The following ATP8A2 variants were observed in gnomAD, a reference collection of about 807,000 sequenced individuals.
ATP8A2 encodes the protein ATPase phospholipid transporting 8A2.
In ATP8A2, 100 loss-of-function variants were observed where a neutral mutation model predicts 165.6. The observed-to-expected ratio is 0.60, with a 90% CI of 0.51 to 0.71. ATP8A2 has a LOEUF of 0.71. Ranked by LOEUF, ATP8A2 falls within the 30% of genes least tolerant of loss-of-function variation. ATP8A2 has a pLI of 0.00. For synonymous variants in ATP8A2, 543 were observed against 548.8 expected, an observed-to-expected ratio of 0.99 and a Z score of 0.15; for missense variants, 1,227 against 1,479.5, an observed-to-expected ratio of 0.83 and a Z score of 2.80.
chr13:25,742,077 A>G (rs61619851), intron 25 of ATP8A2, among the ~76,000 whole-genome samples: 4,348 of 152,320 alleles, frequency 0.029, 74 homozygotes, highest in South Asian at 0.048. Context: ...GAGTATACAC[A>G]CACAAACCTA....
intron 27 of ATP8A2, among the ~76,000 whole-genome samples, chr13:25,792,421 TCTGTGTGGG>T (rs2045203117): frequency 6.6e-6 from 1 of 152,196 alleles, no homozygotes; most frequent in Non-Finnish European, 1.5e-5. Flanking sequence ...TCTGTGTGCT[TCTGTGTGGG>T]CTGCTGTGCT....
Position 25,470,001 on chromosome 13 carries a change from A to G in ATP8A2, c.221+880A>G, listed in dbSNP as rs2035799645. On this transcript the variant is annotated intron_variant, in intron 2 of 36. Coordinates refer to ENST00000381655, the MANE Select transcript of ATP8A2 (RefSeq NM_016529.6). ...ACCATGCTTGGGTGTAGAGAAGTTC[A>G]GTGATTTATCAGGTTACACATAGAT... Among the ~76,000 whole-genome samples the G allele has an allele frequency of 4.6e-5, 7 of 152,340 alleles. 1 individual carries two copies. In the South Asian group the frequency reaches 1.4e-3, roughly 32 times the overall value.
intron 2 of ATP8A2, among the ~76,000 whole-genome samples, chr13:25,522,175 A>G (rs1263107462): frequency 6.6e-6 from 1 of 152,142 alleles, no homozygotes; most frequent in Non-Finnish European, 1.5e-5. Flanking sequence ...TCTTATATAG[A>G]TCTTTCACTT....
intron 36 of ATP8A2, among the ~76,000 whole-genome samples, chr13:26,014,932 A>C (rs1009247863): frequency 2.0e-5 from 3 of 152,206 alleles, no homozygotes; most frequent in African/African-American, 7.2e-5. Flanking sequence ...CAGAGAAAAC[A>C]CATACAGGTT....
intron 24 of ATP8A2, among the ~76,000 whole-genome samples, chr13:25,696,653 C>G (rs577550997): frequency 2.0e-5 from 3 of 152,332 alleles, no homozygotes; most frequent in African/African-American, 7.2e-5. Context: ...TCACCTCTCT[C>G]AGCCTTCACA....
At chr13:25,652,346 T>A (rs1211155942) in intron 24 of ATP8A2, among the ~76,000 whole-genome samples, 1 of 152,208 alleles carries the variant, frequency 6.6e-6, no homozygotes, top group Admixed American at 6.5e-5. Flanking sequence ...CTTTACCATG[T>A]GTGTTAAACT....
At chr13:25,561,772 C>A (rs578005247) in intron 15 of ATP8A2, among the ~76,000 whole-genome samples, 1 of 152,196 alleles carries the variant, frequency 6.6e-6, no homozygotes, top group African/African-American at 2.4e-5. Context: ...AACAAAAATT[C>A]TTCATTGCTG....
chr13:25,924,544 C>G (rs1280393564), intron 33 of ATP8A2, among the ~76,000 whole-genome samples: 1 of 152,132 alleles, frequency 6.6e-6, no homozygotes, highest in Non-Finnish European at 1.5e-5. Context: ...AGGGCTCACC[C>G]TATTTACCTC....
intron 8 of ATP8A2, among the ~76,000 whole-genome samples, chr13:25,541,077 C>T (rs1434341501): frequency 6.6e-6 from 1 of 151,950 alleles, no homozygotes; most frequent in African/African-American, 2.4e-5. Context: ...GTTGGCCAGG[C>T]TGGTCTCGAA....
At chr13:25,897,900 A>G (rs531217333) in intron 33 of ATP8A2, among the ~76,000 whole-genome samples, 1 of 152,056 alleles carries the variant, frequency 6.6e-6, no homozygotes, top group Non-Finnish European at 1.5e-5. Context: ...TCCTTCAAGG[A>G]CTTCTCTGCA....
chr13:25,574,928 A>G (rs779192549), intron 19 of ATP8A2, 71 bp downstream of exon 19: 8 of 834,532 alleles, frequency 9.6e-6, no homozygotes, highest in Non-Finnish European at 1.6e-5. Flanking sequence ...GAGTGTTTAC[A>G]TGATTGTATG....
chr13:25,623,525 GAA>G (rs2041026071), intron 24 of ATP8A2, among the ~76,000 whole-genome samples: 1 of 151,834 alleles, frequency 6.6e-6, no homozygotes, highest in Non-Finnish European at 1.5e-5. Flanking sequence ...GAAAAGATTT[GAA>G]AGGTAAATAG....
chr13:25,672,561 T>TA (rs35134475), intron 24 of ATP8A2, among the ~76,000 whole-genome samples: 2 of 152,172 alleles, frequency 1.3e-5, no homozygotes, highest in Non-Finnish European at 2.9e-5. Flanking sequence ...GTTCTTTTTT[T>TA]AAAAAAAGGA....
In ATP8A2 at chr13:25,742,778, G is replaced by T. The variant is rs140657466; in HGVS notation, c.2385-26268G>T. On this transcript the variant is annotated intron_variant, in intron 25 of 36. Transcript: ENST00000381655. ...CAGAGATTCTAGAAAAGATGGAGGA[G>T]GCAGTGTTTTGGGAAATGACCTTTG... Among the ~76,000 whole-genome samples, 102 of 151,486 alleles carry T rather than the reference G, an allele frequency of 6.7e-4. No homozygotes were observed. In the Middle Eastern group the frequency reaches 0.01, roughly 15 times the overall value.
chr13:25,751,685 C>T (rs1193968117), intron 25 of ATP8A2, among the ~76,000 whole-genome samples: 1 of 152,176 alleles, frequency 6.6e-6, no homozygotes, highest in East Asian at 1.9e-4. Flanking sequence ...GTCCTCCCAC[C>T]TAAGCCCAGG....
At chr13:25,792,408 C>T (rs973002927) in intron 27 of ATP8A2, among the ~76,000 whole-genome samples, 4 of 152,132 alleles carry the variant, frequency 2.6e-5, no homozygotes, top group African/African-American at 9.7e-5. Flanking sequence ...CTCATCAAGC[C>T]TATCTGTGTG....
chr13:25,490,549 A>G (rs960828222), intron 2 of ATP8A2, among the ~76,000 whole-genome samples: 2 of 152,172 alleles, frequency 1.3e-5, no homozygotes, highest in Non-Finnish European at 2.9e-5. Flanking sequence ...TGTGGGATGC[A>G]TTAGGGAGTG....
chr13:25,757,741 A>G (rs1406522605), intron 25 of ATP8A2, among the ~76,000 whole-genome samples: 4 of 152,038 alleles, frequency 2.6e-5, no homozygotes, highest in Non-Finnish European at 5.9e-5. Flanking sequence ...CCCCTGTTAT[A>G]TGTGTTCCTG....
rs1332276531 is a variant in ATP8A2, at chr13:25,531,365, TATATATATGTTATATATATGA to T, written c.420+706_420+726del. Reference sequence around the variant, plus strand: ...TATATGATATATATGTTATATATGATATATATATGTTATATATATGATATATATATGATTATATATATGATT... The same window carrying T: ...TATATGATATATATGTTATATATGATTATATATATGATTATATATATGATT... On this transcript the variant is annotated intron_variant, in intron 4 of 36. Coordinates refer to ENST00000381655, the MANE Select transcript of ATP8A2 (RefSeq NM_016529.6). Among the ~76,000 whole-genome samples the T allele has an allele frequency of 7.0e-4, 88 of 124,902 alleles. 1 individual carries two copies. Among genetic ancestry groups the T allele is most frequent in the African/African-American group, 3.0e-3 (85 of 28,584 alleles). 81.9% of individuals were successfully genotyped at this position (124,902 alleles called of 152,430 possible).
Sources: gnomAD v4.1 joint callset for allele counts (sites outside exome capture counted in the v4.1 genomes callset) on GRCh38, gnomAD v4.1.1 for gene constraint, MANE v1.5 for transcripts, NCBI Gene and HGNC (gene_info 2026-07-23, HGNC 2026-07-21) for gene names.